TUBGCP5: variants seen among roughly 807,000 people sequenced by gnomAD.
TUBGCP5 encodes tubulin gamma complex component 5.
In TUBGCP5, 98 loss-of-function variants were observed where a neutral mutation model predicts 134.7. The observed-to-expected ratio is 0.73, with a 90% CI of 0.62 to 0.86. TUBGCP5 has a LOEUF of 0.86. Ranked by LOEUF, TUBGCP5 falls within the 40% of genes least tolerant of loss-of-function variation. The probability of loss-of-function intolerance (pLI) is 0.00; values close to 1 mark genes in which losing one functional copy is unlikely to be tolerated. For synonymous variants in TUBGCP5, 456 were observed against 431.4 expected, an observed-to-expected ratio of 1.06 and a Z score of -0.71; for missense variants, 1,150 against 1,244.8, an observed-to-expected ratio of 0.92 and a Z score of 1.15.
rs1177399227 is a variant in TUBGCP5, at chr15:22,993,540, T to G, written c.*61+3305A>C. Among the ~76,000 whole-genome samples, 41 of 135,704 alleles carry G rather than the reference T, an allele frequency of 3.0e-4. 2 individuals carry two copies. The highest frequency in any genetic ancestry group is 1.0e-3 in the African/African-American group (36 of 34,992). 89.0% of individuals were successfully genotyped at this position (135,704 alleles called of 152,430 possible). On this transcript the variant is annotated intron_variant and NMD_transcript_variant, in intron 23 of 23. Transcript: ENST00000614508. ...AGCCCCCGAAGTTTTTTTTTTTTTT[T>G]TTTTTTTTTTTTTTTTTAATATGAG...
At position 23,009,979 on chromosome 15, in the gene TUBGCP5, CA is replaced by C; in HGVS notation, c.2109del (p.Cys703TrpfsTer8). 6.2e-7 allele frequency: 1 copy of C among 1,613,294 alleles called. No homozygotes were observed. Among genetic ancestry groups the C allele is most frequent in the South Asian group, 1.1e-5 (1 of 90,940 alleles). On this transcript the variant is annotated frameshift_variant, in exon 15 of 23. Coordinates refer to ENST00000615383, the MANE Select transcript of TUBGCP5 (RefSeq NM_052903.6). LOFTEE classifies it high-confidence loss of function. The stretch of plus-strand genomic sequence containing the variant: ...TTTTTTAGAGTTTGCATGAGATTTC[CA>C]CAGCAATCTAGATACTGCTTGTCAA... ...PHIDKQYLDC[C>X]GNLMQTLKKD...
At chr15:23,019,856 T>A (rs2065564378) in intron 11 of TUBGCP5, among the ~76,000 whole-genome samples, 1 of 151,960 alleles carries the variant, frequency 6.6e-6, no homozygotes. Context: ...GATCATATTG[T>A]TTGTAGTCCA....
At position 23,027,149 on chromosome 15, in the gene TUBGCP5, G is replaced by T; in HGVS notation, c.737+43C>A. 3.5e-6 allele frequency: 5 copies of T among 1,436,072 alleles called. No individual in the cohort carries two copies. The South Asian group carries it at 5.0e-5, about 14-fold the overall frequency. The allele number at this position is 1,436,072 out of a possible 1,614,324, so 89.0% of individuals were successfully genotyped here. ...CAAAGCCAAACGTTTAAACATCAAA[G>T]TTTCTTCTATCATCACATTAAATGA... On this transcript the variant is annotated intron_variant, in intron 7 of 22. Transcript: ENST00000615383.
intron 1 of TUBGCP5, among the ~76,000 whole-genome samples, 188 bp downstream of exon 1, chr15:23,039,210 C>T (rs1407830422): frequency 6.6e-6 from 1 of 151,938 alleles, no homozygotes; most frequent in Non-Finnish European, 1.5e-5. Flanking sequence ...CTGTGGTGCG[C>T]AGGGCACCGC....
At position 22,999,557 on chromosome 15, in the gene TUBGCP5, T is replaced by C. The variant is rs1378173106; in HGVS notation, c.*263A>G. On this transcript the variant is annotated 3_prime_UTR_variant, in exon 23 of 23. Transcript: ENST00000615383. Reference sequence around the variant, plus strand: ...CTGGGACTACAGGTACACACCACCATGTCTGGATACATTTTGTATTTTTGG... The same window carrying C: ...CTGGGACTACAGGTACACACCACCACGTCTGGATACATTTTGTATTTTTGG... 8 of 460,318 alleles carry C rather than the reference T, an allele frequency of 1.7e-5. No homozygotes were observed. In the East Asian group the frequency reaches 2.5e-4, roughly 14 times the overall value. The allele number at this position is 460,318 out of a possible 1,614,324, so 28.5% of individuals were successfully genotyped here.
At position 23,026,939 on chromosome 15, in the gene TUBGCP5, C is replaced by CA. The variant is rs1478870433; in HGVS notation, c.737+252dup. The stretch of plus-strand genomic sequence containing the variant: ...CAGAGCGAGACTTTGTCTCCCCCTG[C>CA]AAAAAAAAGTAAAATAAAATAAAAA... On this transcript the variant is annotated intron_variant, in intron 7 of 22. Coordinates refer to ENST00000615383, the MANE Select transcript of TUBGCP5 (RefSeq NM_052903.6). Among the ~76,000 whole-genome samples, 6 of 150,110 alleles carry CA rather than the reference C, an allele frequency of 4.0e-5. No homozygotes were observed. The South Asian group carries it at 1.1e-3, about 26-fold the overall frequency.
Position 23,012,932 on chromosome 15 carries a change from C to T in TUBGCP5, c.1757-1601G>A, listed in dbSNP as rs764395226. Among the ~76,000 whole-genome samples, 12 of 152,136 alleles carry T rather than the reference C, an allele frequency of 7.9e-5. No homozygotes were observed. The East Asian group carries it at 1.2e-3, about 15-fold the overall frequency. The stretch of plus-strand genomic sequence containing the variant: ...CTTGGCCAACATGGTGAAACCCCAT[C>T]TCTACTAAAAACACAAAAAATTAGC... On this transcript the variant is annotated intron_variant, in intron 13 of 22. Transcript: ENST00000615383.
chr15:23,031,190 GA>G (rs911388115), intron 5 of TUBGCP5, among the ~76,000 whole-genome samples, 170 bp from the exon 6 acceptor site: 4 of 152,084 alleles, frequency 2.6e-5, no homozygotes, highest in African/African-American at 9.7e-5. Context: ...TATAGGAATG[GA>G]AATATGATTA....
chr15:22,999,793 C>T lies in TUBGCP5; in HGVS notation c.*27G>A, dbSNP rs775712179. 3.7e-6 allele frequency: 6 copies of T among 1,608,956 alleles called. No homozygotes were observed. Among genetic ancestry groups the T allele is most frequent in the African/African-American group, 1.3e-5 (1 of 74,800 alleles). ...AAATGTACATGTATGATGACAAAGTCGGAGATATTTATTACGCTGAAGACA... is the reference window on the plus strand; with the variant it reads ...AAATGTACATGTATGATGACAAAGTTGGAGATATTTATTACGCTGAAGACA... On this transcript the variant is annotated 3_prime_UTR_variant, in exon 23 of 23. Transcript: ENST00000615383.
chr15:23,021,879 CA>C, intron 11 of TUBGCP5, 79 bp downstream of exon 11: 1 of 1,423,228 alleles, frequency 7.0e-7, no homozygotes, highest in Non-Finnish European at 9.9e-7. Context: ...CAAGTATCAA[CA>C]AAGAACTACC....
chr15:22,997,950 A>T (rs2064172319), downstream of TUBGCP5, among the ~76,000 whole-genome samples: 1 of 152,112 alleles, frequency 6.6e-6, no homozygotes, highest in Admixed American at 6.6e-5. Context: ...ACTCTATAAA[A>T]AGAAAATATG....
downstream of TUBGCP5, among the ~76,000 whole-genome samples, chr15:22,998,290 A>C (rs1053149535): frequency 6.6e-6 from 1 of 152,124 alleles, no homozygotes; most frequent in African/African-American, 2.4e-5. Context: ...ACTGCAGCCT[A>C]GGTAACAGAG....
intron 8 of TUBGCP5, among the ~76,000 whole-genome samples, chr15:23,025,400 T>C (rs1245823674): frequency 6.6e-6 from 1 of 152,188 alleles, no homozygotes; most frequent in Non-Finnish European, 1.5e-5. Context: ...TTTCTAAGAA[T>C]GCGAGCATGT....
chr15:22,992,102 T>C (rs984917902), intron 23 of TUBGCP5, among the ~76,000 whole-genome samples: 1 of 152,148 alleles, frequency 6.6e-6, no homozygotes, highest in East Asian at 1.9e-4. Flanking sequence ...CTGAGAAGAA[T>C]TGCAGTCGTA....
In TUBGCP5 at chr15:23,024,843, TA is replaced by T; in HGVS notation, c.828-14del. On this transcript the variant is annotated splice_polypyrimidine_tract_variant and intron_variant, in intron 8 of 22. Transcript: ENST00000615383. ...TCCTGAAAGTAACCTGAAATGAGAT[TA>T]AAAAAAGACGAGTGTACTTTAAGTC... 2 of 1,452,936 alleles carry T rather than the reference TA, an allele frequency of 1.4e-6. No homozygotes were observed. The highest frequency in any genetic ancestry group is 1.9e-6 in the Non-Finnish European group (2 of 1,045,696). 90.0% of individuals were successfully genotyped at this position (1,452,936 alleles called of 1,614,324 possible). A position where few individuals can be genotyped will look rare whatever the true frequency, so the allele number is the denominator to read the frequency against.
intron 23 of TUBGCP5, among the ~76,000 whole-genome samples, chr15:22,984,556 G>T (rs550076715): frequency 6.6e-6 from 1 of 152,012 alleles, no homozygotes; most frequent in Admixed American, 6.6e-5. Flanking sequence ...GGAGACAGAG[G>T]TTGCAGTGAG....
chr15:23,001,525 T>C (rs2064376449), intron 21 of TUBGCP5, among the ~76,000 whole-genome samples: 1 of 151,782 alleles, frequency 6.6e-6, no homozygotes, highest in Non-Finnish European at 1.5e-5. Context: ...GTATTTTTAG[T>C]AGAGATGGAG....
chr15:22,985,150 T>C (rs1166292650), intron 23 of TUBGCP5, among the ~76,000 whole-genome samples: 1 of 152,224 alleles, frequency 6.6e-6, no homozygotes, highest in Non-Finnish European at 1.5e-5. Flanking sequence ...TACTTCTAAG[T>C]ATTTACCTAA....
intron 9 of TUBGCP5, 156 bp from the exon 10 acceptor site, chr15:23,024,349 T>C (rs1238905672): frequency 1.6e-5 from 12 of 766,262 alleles, no homozygotes; most frequent in Non-Finnish European, 2.3e-5. Context: ...TATAATTTTA[T>C]ACACAAAGGA....
Sources: allele counts gnomAD v4.1 joint callset (sites outside exome capture counted in the v4.1 genomes callset), GRCh38; gene constraint gnomAD v4.1.1; transcripts MANE v1.5; gene names NCBI Gene and HGNC (gene_info 2026-07-23, HGNC 2026-07-21).